REEP1: variants seen among roughly 807,000 people sequenced by gnomAD.
REEP1 encodes receptor expression-enhancing protein 1.
A neutral mutation model predicts 40.3 loss-of-function variants in REEP1; 22 were observed. The ratio of observed to expected loss-of-function variants is 0.55; its 90% CI spans 0.39 to 0.78. The LOEUF (loss-of-function observed/expected upper bound fraction) is 0.78. REEP1 is among the 30% of genes least tolerant of loss of function. The pLI is 0.00. For synonymous variants in REEP1, 116 were observed against 139.2 expected (o/e 0.83, Z 1.17); for missense variants, 280 against 361.1 (o/e 0.78, Z 1.82).
At chr2:86,287,334 C>T (rs192861825) in intron 1 of REEP1, among the ~76,000 whole-genome samples, 3 of 152,232 alleles carry the variant, frequency 2.0e-5, no homozygotes, top group Admixed American at 6.5e-5. Flanking sequence ...GTGATCCACC[C>T]GCCTCAGCTT....
chr2:86,275,315 C>T (rs550690013), intron 2 of REEP1, among the ~76,000 whole-genome samples: 1 of 152,302 alleles, frequency 6.6e-6, no homozygotes, highest in Admixed American at 6.5e-5. Flanking sequence ...TTAATGTTCA[C>T]GCACTGTCAC....
chr2:86,220,202 GT>G, intron 7 of REEP1, 81 bp from the exon 8 acceptor site: 1 of 998,558 alleles, frequency 1.0e-6, no homozygotes, highest in Non-Finnish European at 1.3e-6. Flanking sequence ...GAAGGGCAAG[GT>G]TAGGCACACA....
In REEP1 at chr2:86,270,416, A is replaced by C. The variant is rs192126870; in HGVS notation, c.106-6375T>G. 2.0e-5 allele frequency among the ~76,000 whole-genome samples: 3 copies of C among 152,242 alleles called. No homozygotes were observed. The East Asian group carries it at 5.8e-4, about 29-fold the overall frequency. ...TCTCCATGTTGGTCAGGCTGGTCTC[A>C]AACTGCTGACCTCAGGTGATCCACC... is the stretch of plus-strand genomic sequence containing the variant. On this transcript the variant is annotated intron_variant, in intron 2 of 8. Coordinates refer to ENST00000538924, the MANE Select transcript of REEP1 (RefSeq NM_001371279.1).
rs1406505775 is a variant in REEP1 at position 86,214,430 on chromosome 2, C to G, written c.*2609G>C. 6.6e-6 allele frequency: 1 copy of G among 152,656 alleles called. No homozygotes were observed. Among genetic ancestry groups the G allele is most frequent in the Non-Finnish European group, 1.5e-5 (1 of 68,052 alleles). 9.5% of individuals were successfully genotyped at this position (152,656 alleles called of 1,614,324 possible). A position where few individuals can be genotyped will look rare whatever the true frequency, so the allele number is the denominator to read the frequency against. ...ACTCTCCAGTTTATAAGCACAAGTC[C>G]ACATCTCACCTCCTCAGAACAGGTG... On this transcript the variant is annotated 3_prime_UTR_variant, in exon 9 of 9. Transcript: ENST00000538924.
Position 86,295,782 on chromosome 2 carries a change from G to T in REEP1, c.33-13540C>A, listed in dbSNP as rs182227998. On this transcript the variant is annotated intron_variant, in intron 1 of 8. Coordinates refer to ENST00000538924, the MANE Select transcript of REEP1 (RefSeq NM_001371279.1). ...TCTCGATCTCCTGACCTCGTGATCCGCCCGCCTTGGCCTCCCAAGGTGCTA... is the reference window on the plus strand; with the variant it reads ...TCTCGATCTCCTGACCTCGTGATCCTCCCGCCTTGGCCTCCCAAGGTGCTA... Among the ~76,000 whole-genome samples, 403 of 152,210 alleles carry T rather than the reference G, an allele frequency of 2.6e-3. 5 individuals are homozygous for T. The East Asian group carries it at 0.037, about 14-fold the overall frequency.
At chr2:86,285,765 AT>A (rs1251148277) in intron 1 of REEP1, among the ~76,000 whole-genome samples, 3 of 152,218 alleles carry the variant, frequency 2.0e-5, no homozygotes, top group Non-Finnish European at 4.4e-5. Flanking sequence ...GGTGCTTGAA[AT>A]GTCTGTTGAG....
intron 1 of REEP1, among the ~76,000 whole-genome samples, chr2:86,294,494 T>C (rs971807325): frequency 2.6e-5 from 4 of 152,204 alleles, no homozygotes; most frequent in African/African-American, 9.6e-5. Flanking sequence ...ATATAATCTT[T>C]CAATTTATAT....
intron 1 of REEP1, among the ~76,000 whole-genome samples, chr2:86,298,016 G>A (rs957483617): frequency 6.6e-6 from 1 of 152,180 alleles, no homozygotes; most frequent in Admixed American, 6.5e-5. Context: ...CTGAGTTGAG[G>A]CATCGTCAGA....
rs566147543 is a variant in REEP1 at position 86,301,192 on chromosome 2, C to T, written c.33-18950G>A. On this transcript the variant is annotated intron_variant, in intron 1 of 8. Coordinates refer to ENST00000538924, the MANE Select transcript of REEP1 (RefSeq NM_001371279.1). ...GCATTCTCTTTGAAGCTCCTTGGAG[C>T]GGGCTCTAAGTGCTTCTCAGAGCTG... 1.9e-4 allele frequency among the ~76,000 whole-genome samples: 29 copies of T among 152,340 alleles called. No homozygotes were observed. In the South Asian group the frequency reaches 5.8e-3, roughly 30 times the overall value.
At position 86,225,705 on chromosome 2, in the gene REEP1, T is replaced by C. The variant is rs560141270; in HGVS notation, c.631+1658A>G. 8.5e-5 allele frequency among the ~76,000 whole-genome samples: 13 copies of C among 152,346 alleles called. No individual in the cohort carries two copies. In the South Asian group the frequency reaches 2.3e-3, roughly 27 times the overall value. Reference sequence around the variant, plus strand: ...GCTCACTGCCGATGTGGGAGGGGCATGTCATGCCTCCGCGGCACCAGGGCT... The same window carrying C: ...GCTCACTGCCGATGTGGGAGGGGCACGTCATGCCTCCGCGGCACCAGGGCT... On this transcript the variant is annotated intron_variant, in intron 7 of 8. Transcript: ENST00000538924.
At chr2:86,297,863 T>G (rs570311970) in intron 1 of REEP1, 20 of 253,108 alleles carry the variant, frequency 7.9e-5, no homozygotes, top group African/African-American at 4.2e-4. Flanking sequence ...AGAAAACAAC[T>G]GACAAGTTCA....
At chr2:86,323,079 T>A (rs925850749) in intron 1 of REEP1, among the ~76,000 whole-genome samples, 2 of 152,042 alleles carry the variant, frequency 1.3e-5, no homozygotes, top group Admixed American at 1.3e-4. Flanking sequence ...ACACCTGTGG[T>A]CCCAGCTACT....
intron 5 of REEP1, among the ~76,000 whole-genome samples, chr2:86,244,014 C>T (rs920343433): frequency 1.1e-4 from 16 of 152,272 alleles, no homozygotes; most frequent in East Asian, 5.8e-4. Context: ...ATCTCTTCTC[C>T]GTCCTTGGAA....
chr2:86,251,903 G>A, intron 5 of REEP1, 54 bp downstream of exon 5: 1 of 1,213,028 alleles, frequency 8.2e-7, no homozygotes, highest in Non-Finnish European at 1.2e-6. Flanking sequence ...GTGATGAGCA[G>A]GGCACACTAG....
At chr2:86,314,473 G>C (rs772184491) in intron 1 of REEP1, among the ~76,000 whole-genome samples, 1 of 151,946 alleles carries the variant, frequency 6.6e-6, no homozygotes, top group Non-Finnish European at 1.5e-5. Flanking sequence ...GGGTGAGCAG[G>C]CTGGCTGGGG....
intron 1 of REEP1, among the ~76,000 whole-genome samples, chr2:86,309,608 C>T (rs1679667163): frequency 1.3e-5 from 2 of 152,290 alleles, no homozygotes; most frequent in South Asian, 2.1e-4. Flanking sequence ...GGTCTGTGAT[C>T]GGGTGCCAGC....
chr2:86,237,587 A>G (rs1196664581), intron 5 of REEP1, among the ~76,000 whole-genome samples: 1 of 152,310 alleles, frequency 6.6e-6, no homozygotes, highest in African/African-American at 2.4e-5. Flanking sequence ...CAATGGCACA[A>G]TCTTGGCTCA....
intron 1 of REEP1, among the ~76,000 whole-genome samples, chr2:86,285,225 T>C (rs568334654): frequency 4.7e-4 from 72 of 152,300 alleles, no homozygotes; most frequent in African/African-American, 1.6e-3. Context: ...TCTGTCTGAA[T>C]GTTAGCACAG....
chr2:86,244,955 G>A (rs1675852122), intron 5 of REEP1, among the ~76,000 whole-genome samples: 1 of 152,226 alleles, frequency 6.6e-6, no homozygotes, highest in Admixed American at 6.5e-5. Context: ...GACCAGCCTG[G>A]CCAACATGGC....
Sources: allele counts gnomAD v4.1 joint callset (sites outside exome capture counted in the v4.1 genomes callset), GRCh38; gene constraint gnomAD v4.1.1; transcripts MANE v1.5; gene names NCBI Gene and HGNC (gene_info 2026-07-23, HGNC 2026-07-21).